Variants in ABCB4 observed in about 807,000 individuals in gnomAD.
ABCB4 encodes ATP binding cassette subfamily B member 4, also known as phosphatidylcholine translocator ABCB4.
In ABCB4, 76 loss-of-function variants were observed where a neutral mutation model predicts 145.7. The ratio of observed to expected loss-of-function variants is 0.52; its 90% CI spans 0.43 to 0.63. The LOEUF (loss-of-function observed/expected upper bound fraction) is 0.63. ABCB4 is among the 30% of genes least tolerant of loss of function. ABCB4 has a pLI of 0.00. For synonymous variants in ABCB4, 517 were observed against 566.8 expected (o/e 0.91, Z 1.25); for missense variants, 1,234 against 1,553.1 (o/e 0.79, Z 3.45).
chr7:87,437,109 T>C (rs374543317), intron 14 of ABCB4, among the ~76,000 whole-genome samples: 1 of 152,188 alleles, frequency 6.6e-6, no homozygotes, highest in African/African-American at 2.4e-5. Context: ...CACAGATTTT[T>C]TACTGCTCAC....
At position 87,475,423 on chromosome 7, in the gene ABCB4, T is replaced by G; in HGVS notation, c.43A>C (p.Thr15Pro). The G allele has an allele frequency of 6.2e-7, 1 of 1,614,238 alleles. No individual in the cohort carries two copies. Among genetic ancestry groups the G allele is most frequent in the Non-Finnish European group, 8.5e-7 (1 of 1,180,034 alleles). The change falls in exon 2 of 28, where the codon ACG becomes CCG. Residue 15 changes from threonine to proline, a missense_variant. By Grantham distance (38) the Thr-to-Pro change is conservative. Coordinates refer to ENST00000649586, the MANE Select transcript of ABCB4 (RefSeq NM_000443.4). The stretch of plus-strand genomic sequence containing the variant: ...AGTTCAAAGTCGCCCTCCGCGCTCG[T>G]GGGGCGCCAGGCTGTTCCGTTCTTT... ...AAKNGTAWRP[T>P]SAEGDFELGI...
At chr7:87,413,380 A>T (rs112194932) in intron 22 of ABCB4, among the ~76,000 whole-genome samples, 3 of 152,232 alleles carry the variant, frequency 2.0e-5, no homozygotes, top group Admixed American at 1.3e-4. Flanking sequence ...GCAATTCTCT[A>T]TATCTTTTAC....
rs45510099 is a variant in ABCB4, at chr7:87,439,557, T to C, written c.1731+110A>G. The C allele has an allele frequency of 2.1e-4, 255 of 1,227,230 alleles. 2 individuals are homozygous for C. The Middle Eastern group carries it at 3.4e-3, about 16-fold the overall frequency. The allele number at this position is 1,227,230 out of a possible 1,614,324, so 76.0% of individuals were successfully genotyped here. A position where few individuals can be genotyped will look rare whatever the true frequency, so the allele number is the denominator to read the frequency against. The stretch of plus-strand genomic sequence containing the variant: ...GAGAAATCAATACAGCTCCATGAGG[T>C]AGCTCCATTTGCTATGTTTCTGTTT... On this transcript the variant is annotated intron_variant, in intron 14 of 27. Transcript: ENST00000649586.
In ABCB4 at chr7:87,423,978, C is replaced by T. The variant is rs747711710; in HGVS notation, c.2139G>A (p.Val713=). Residue 713 remains valine, a synonymous_variant, in exon 17 of 28, where the codon GTG becomes GTA. Coordinates refer to ENST00000649586, the MANE Select transcript of ABCB4 (RefSeq NM_000443.4). ...CATTGGCAATGGCACATACTGTTCC[C>T]ACGACAAAGTAGGGCCATTCTGTTT... is the stretch of plus-strand genomic sequence containing the variant. The part of the protein sequence containing the change: ...LNKTEWPYFV[V]GTVCAIANGG... The T allele has an allele frequency of 6.2e-7, 1 of 1,614,066 alleles. No homozygotes were observed. Among genetic ancestry groups the T allele is most frequent in the Non-Finnish European group, 8.5e-7 (1 of 1,179,980 alleles).
chr7:87,422,131 A>G lies in ABCB4; in HGVS notation c.2306T>C (p.Phe769Ser), dbSNP rs1221333742. ...LFLGIISFFT[F>S]FLQGFTFGKA... ...ATCATGGGTACCTACCTGAAGGAAG[A>G]AAGTAAAAAAAGAAATAATTCCCAG... The change falls in exon 18 of 28, where the codon TTC (phenylalanine) becomes TCC (serine). Residue 769 changes from phenylalanine (F) to serine (S), a missense_variant. Phe to Ser is a radical substitution (Grantham distance 155). Around this residue, in one of 7 missense-constraint regions of ABCB4, gnomAD observed 321 missense variants for 332.6 expected, o/e 0.97. Transcript: ENST00000649586. The G allele has an allele frequency of 6.2e-7, 1 of 1,608,024 alleles. No homozygotes were observed. Among genetic ancestry groups the G allele is most frequent in the Non-Finnish European group, 8.5e-7 (1 of 1,175,434 alleles).
intron 25 of ABCB4, 97 bp from the exon 26 acceptor site, chr7:87,406,591 G>A (rs984763857): frequency 6.1e-6 from 8 of 1,317,652 alleles, no homozygotes; most frequent in African/African-American, 2.9e-5. Flanking sequence ...GTTGCATGAG[G>A]GTGTCAGCAG....
chr7:87,428,078 C>T (rs887948811), intron 15 of ABCB4, among the ~76,000 whole-genome samples: 3 of 152,134 alleles, frequency 2.0e-5, no homozygotes, highest in African/African-American at 7.2e-5. Context: ...TCAAACCAGA[C>T]CACCTCTCAT....
At chr7:87,380,395 G>GCCTATTTTATAAACCTGAAGTCAAC in the ABCB4 span, among the ~76,000 whole-genome samples, 8 of 151,350 alleles carry the variant, frequency 5.3e-5, no homozygotes, top group East Asian at 3.9e-4. Context: ...TAGATCCTTG[G>GCCTATTTTATAAACCTGAAGTCAAC]TAAGTACTGT....
At position 87,408,130 on chromosome 7, in the gene ABCB4, G is replaced by A. The variant is rs1562950734; in HGVS notation, c.3186C>T (p.Gly1062=). ...TGCTGCCCACCAGGGCTAGTGTCTG[G>A]CCTTTCTTCACCTCCAGGCTCAGCC... ...LQGLSLEVKK[G]QTLALVGSSG... is the part of the protein sequence containing the mutation. The change falls in exon 25 of 28, where the codon GGC becomes GGT. Residue 1062 remains glycine (G), a synonymous_variant. Transcript: ENST00000649586. 9.3e-6 allele frequency: 15 copies of A among 1,614,106 alleles called. No homozygotes were observed. The highest frequency in any genetic ancestry group is 1.1e-5 in the Non-Finnish European group (13 of 1,180,040).
intron 15 of ABCB4, among the ~76,000 whole-genome samples, chr7:87,429,751 A>C (rs527765184): frequency 6.6e-6 from 1 of 152,286 alleles, no homozygotes; most frequent in Non-Finnish European, 1.5e-5. Context: ...TTCGGCAGAG[A>C]CACTATCATT....
In ABCB4 at chr7:87,406,476, C is replaced by T. The variant is rs31655; in HGVS notation, c.3298G>A (p.Ala1100Thr). Residue 1100 changes from alanine (A) to threonine (T), a missense_variant, in exon 26 of 28, where the codon GCA (alanine) becomes ACA (threonine). Ala to Thr is a moderately conservative substitution (Grantham distance 58). This residue lies in a region of ABCB4 where 301 missense variants were observed against 389.0 expected (regional missense o/e 0.77). Coordinates refer to ENST00000649586, the MANE Select transcript of ABCB4 (RefSeq NM_000443.4). ...AGCCACTGGACATTGAGTTTCTTTGCTTCTTGACCATCGAGAAGCTGAAAA... is the reference window on the plus strand; with the variant it reads ...AGCCACTGGACATTGAGTTTCTTTGTTTCTTGACCATCGAGAAGCTGAAAA... ...AGTVLLDGQE[A>T]KKLNVQWLRA... 7.8e-5 allele frequency: 126 copies of T among 1,613,766 alleles called. No homozygotes were observed. The African/African-American group carries it at 1.6e-3, about 21-fold the overall frequency.
At chr7:87,439,554 A>C (rs942253951) in intron 14 of ABCB4, 113 bp downstream of exon 14, 23 of 1,204,076 alleles carry the variant, frequency 1.9e-5, no homozygotes, top group African/African-American at 3.0e-5. Flanking sequence ...CAGCTCCATG[A>C]GGTAGCTCCA....
intron 3 of ABCB4, among the ~76,000 whole-genome samples, chr7:87,469,612 T>C (rs1813213907): frequency 6.6e-6 from 1 of 152,188 alleles, no homozygotes; most frequent in Non-Finnish European, 1.5e-5. Context: ...TGAACTCCCA[T>C]TCACAATTGC....
chr7:87,472,955 A>T (rs147440747), intron 2 of ABCB4, among the ~76,000 whole-genome samples: 135 of 152,350 alleles, frequency 8.9e-4, no homozygotes, highest in African/African-American at 3.1e-3. Context: ...CGCTAAGTCA[A>T]TTAAGTTATT....
chr7:87,395,270 G>GC, the ABCB4 span, among the ~76,000 whole-genome samples: 1 of 151,858 alleles, frequency 6.6e-6, no homozygotes, highest in Non-Finnish European at 1.5e-5. Context: ...GTCTTTTCAG[G>GC]TTTTTCTGCC....
chr7:87,393,039 G>A, the ABCB4 span: 1 of 1,613,384 alleles, frequency 6.2e-7, no homozygotes, highest in South Asian at 1.1e-5. Context: ...CAATGGTTAT[G>A]GATTTTTCTA....
At chr7:87,393,995 A>G in the ABCB4 span, among the ~76,000 whole-genome samples, 1 of 152,222 alleles carries the variant, frequency 6.6e-6, no homozygotes, top group Non-Finnish European at 1.5e-5. Context: ...AGTCTATTTC[A>G]TCATTTACTA....
At chr7:87,415,894 C>G (rs1808937135) in intron 21 of ABCB4, among the ~76,000 whole-genome samples, 1 of 152,202 alleles carries the variant, frequency 6.6e-6, no homozygotes, top group Non-Finnish European at 1.5e-5. Flanking sequence ...ACTGACCATT[C>G]TCCCATATGA....
chr7:87,434,095 ATTTTTTTTTT>A (rs756063095), intron 14 of ABCB4, among the ~76,000 whole-genome samples: 1 of 118,066 alleles, frequency 8.5e-6, no homozygotes, highest in Non-Finnish European at 1.8e-5. Context: ...CACCTGGCTA[ATTTTTTTTTT>A]TTTTTTTTTT....
Sources: allele counts gnomAD v4.1 joint callset (sites outside exome capture counted in the v4.1 genomes callset), GRCh38; gene constraint gnomAD v4.1.1; regional missense constraint gnomAD v4.1.1; transcripts MANE v1.5; gene names NCBI Gene and HGNC (gene_info 2026-07-23, HGNC 2026-07-21).